EFHD1: variants seen among roughly 807,000 people sequenced by gnomAD.
The protein encoded by EFHD1 is EF-hand domain-containing protein D1.
EFHD1 carries 10 observed loss-of-function variants against 17.2 expected under a neutral mutation model. That is an observed-to-expected ratio of 0.58 (90% CI 0.36 to 0.99). The LOEUF is 0.99. EFHD1 is among the 50% of genes least tolerant of loss of function. The pLI is 0.01. For missense variants in EFHD1, 310 were observed against 327.5 expected, an observed-to-expected ratio of 0.95 and a Z score of 0.41; for synonymous variants, 153 against 142.0, an observed-to-expected ratio of 1.08 and a Z score of -0.55.
chr2:232,674,583 C>G (rs558054262), intron 3 of EFHD1, among the ~76,000 whole-genome samples: 1 of 152,142 alleles, frequency 6.6e-6, no homozygotes, highest in African/African-American at 2.4e-5. Context: ...AATAAAAATT[C>G]TTACAGCTCG....
At chr2:232,647,153 C>T (rs1442598086) in intron 1 of EFHD1, among the ~76,000 whole-genome samples, 2 of 152,248 alleles carry the variant, frequency 1.3e-5, no homozygotes, top group Non-Finnish European at 2.9e-5. Context: ...GCAGTCATGG[C>T]CTTAATTAGG....
chr2:232,613,802 A>C (rs111209799), intron 1 of EFHD1, among the ~76,000 whole-genome samples: 1 of 141,092 alleles, frequency 7.1e-6, no homozygotes, highest in African/African-American at 2.7e-5. Context: ...ATACACACAA[A>C]AATATACACA....
At chr2:232,639,039 C>T (rs1008100544) in intron 1 of EFHD1, among the ~76,000 whole-genome samples, 11 of 152,150 alleles carry the variant, frequency 7.2e-5, no homozygotes, top group African/African-American at 1.7e-4. Context: ...CTTGCCAGCA[C>T]GCATGATTAA....
chr2:232,655,864 T>C (rs1433278484), intron 1 of EFHD1, among the ~76,000 whole-genome samples: 1 of 149,018 alleles, frequency 6.7e-6, no homozygotes, highest in Non-Finnish European at 1.5e-5. Context: ...TGGAGTGCAG[T>C]GGCACGACCT....
chr2:232,623,307 A>G (rs1314429381), intron 1 of EFHD1, among the ~76,000 whole-genome samples: 9 of 152,124 alleles, frequency 5.9e-5, no homozygotes, highest in Admixed American at 5.9e-4. Flanking sequence ...CAGTCTCCCA[A>G]AGTGCTGGGA....
intron 2 of EFHD1, among the ~76,000 whole-genome samples, chr2:232,663,699 G>T (rs1023680398): frequency 1.3e-5 from 2 of 152,128 alleles, no homozygotes; most frequent in African/African-American, 4.8e-5. Flanking sequence ...CGTACAATGT[G>T]TAACGACCAA....
Position 232,662,873 on chromosome 2 carries a change from C to G in EFHD1, c.374C>G (p.Pro125Arg), listed in dbSNP as rs762824561. Residue 125 changes from proline to arginine, a missense_variant, in exon 2 of 4, where the codon CCC becomes CGC. Physicochemically the swap from Pro to Arg is moderately radical, Grantham distance 103 (BLOSUM62 -2). Coordinates refer to ENST00000264059, the MANE Select transcript of EFHD1 (RefSeq NM_025202.4). ...LKLMMEKLGA[P>R]QTHLGLKSMI... ...CTGATGATGGAGAAGCTGGGGGCCC[C>G]CCAGACCCACCTGGGCCTGAAGAGC... 3.4e-5 allele frequency: 55 copies of G among 1,595,872 alleles called. No individual in the cohort carries two copies. The highest frequency in any genetic ancestry group is 4.3e-5 in the Non-Finnish European group (50 of 1,172,644).
At chr2:232,667,777 C>T (rs187251649) in intron 2 of EFHD1, among the ~76,000 whole-genome samples, 23 of 152,226 alleles carry the variant, frequency 1.5e-4, no homozygotes, top group South Asian at 1.0e-3. Context: ...AGGCTGGTCT[C>T]AAACTCCTGA....
chr2:232,671,394 A>G (rs1470052722), intron 2 of EFHD1, among the ~76,000 whole-genome samples: 1 of 152,020 alleles, frequency 6.6e-6, no homozygotes, highest in Non-Finnish European at 1.5e-5. Flanking sequence ...AGCTATGAAC[A>G]CACCACAGCA....
At chr2:232,678,418 G>C (rs76032109) in intron 3 of EFHD1, among the ~76,000 whole-genome samples, 4,952 of 152,202 alleles carry the variant, frequency 0.033, 186 homozygotes, top group East Asian at 0.21. Context: ...TATCTCAAAG[G>C]TATTTGGTAA....
At chr2:232,613,719 T>TAC (rs750423810) in intron 1 of EFHD1, among the ~76,000 whole-genome samples, 1 of 135,128 alleles carries the variant, frequency 7.4e-6, no homozygotes, top group Non-Finnish European at 1.6e-5. Flanking sequence ...CACACAAATA[T>TAC]ACACACACAT....
At chr2:232,671,954 G>T (rs1488171456) in intron 2 of EFHD1, among the ~76,000 whole-genome samples, 4 of 151,560 alleles carry the variant, frequency 2.6e-5, no homozygotes, top group Non-Finnish European at 5.9e-5. Context: ...CTACTCGGGA[G>T]GCTGAGACAT....
In EFHD1 at chr2:232,668,893, C is replaced by T. The variant is rs534289009; in HGVS notation, c.451-3416C>T. ...AGGTGATCCGCTCGACTCAGCCTCC[C>T]AAAATGCTGAGATTACAGGTGTGAG... On this transcript the variant is annotated intron_variant, in intron 2 of 3. Coordinates refer to ENST00000264059, the MANE Select transcript of EFHD1 (RefSeq NM_025202.4). Among the ~76,000 whole-genome samples the T allele has an allele frequency of 9.2e-5, 14 of 152,258 alleles. No individual in the cohort carries two copies. The South Asian group carries it at 2.9e-3, about 32-fold the overall frequency.
chr2:232,637,942 A>G (rs984952300), intron 1 of EFHD1, among the ~76,000 whole-genome samples: 3 of 152,146 alleles, frequency 2.0e-5, no homozygotes, highest in African/African-American at 7.2e-5. Context: ...GTGAGTCCTT[A>G]GGACCTAACA....
chr2:232,668,334 C>A (rs1177273384), intron 2 of EFHD1, among the ~76,000 whole-genome samples: 1 of 152,144 alleles, frequency 6.6e-6, no homozygotes, highest in Non-Finnish European at 1.5e-5. Context: ...GTAGGGGGTA[C>A]CCCTGAGGTG....
At chr2:232,648,788 G>A (rs570975036) in intron 1 of EFHD1, among the ~76,000 whole-genome samples, 59 of 152,280 alleles carry the variant, frequency 3.9e-4, no homozygotes, top group African/African-American at 1.3e-3. Flanking sequence ...TGATGCTCTG[G>A]TCTGGGGACC....
At chr2:232,612,433 G>C (rs1693828610) in intron 1 of EFHD1, among the ~76,000 whole-genome samples, 1 of 151,940 alleles carries the variant, frequency 6.6e-6, no homozygotes. Context: ...TAAATAATAA[G>C]ACAAACATCT....
chr2:232,625,189 C>T (rs1387221180), intron 1 of EFHD1, among the ~76,000 whole-genome samples: 2 of 152,134 alleles, frequency 1.3e-5, no homozygotes, highest in African/African-American at 2.4e-5. Context: ...AGTGCAGTGG[C>T]GCAATCACAG....
chr2:232,618,722 CA>C (rs113391241), intron 1 of EFHD1, among the ~76,000 whole-genome samples: 43,669 of 134,012 alleles, frequency 0.33, 8,094 homozygotes, highest in East Asian at 0.65. Flanking sequence ...GACTCTGTCT[CA>C]AAAAAAAAAA....
Sources: gnomAD v4.1 joint callset for allele counts (sites outside exome capture counted in the v4.1 genomes callset) on GRCh38, gnomAD v4.1.1 for gene constraint, MANE v1.5 for transcripts, NCBI Gene and HGNC (gene_info 2026-07-23, HGNC 2026-07-21) for gene names.